Variants in CCDC85C observed in about 807,000 individuals in gnomAD.
The protein encoded by CCDC85C is coiled-coil domain-containing protein 85C.
Under a neutral mutation model 38.3 loss-of-function variants are expected in CCDC85C, and 18 were observed. The observed-to-expected ratio is 0.47, with a 90% CI of 0.33 to 0.70. The LOEUF is 0.70. Among genes scored for constraint, CCDC85C ranks in the 30% least tolerant of loss-of-function variants. The probability of loss-of-function intolerance (pLI) is 0.03; values close to 1 mark genes in which losing one functional copy is unlikely to be tolerated. For synonymous variants in CCDC85C, 264 were observed against 293.8 expected, an observed-to-expected ratio of 0.90 and a Z score of 1.04; for missense variants, 566 against 621.2, an observed-to-expected ratio of 0.91 and a Z score of 0.94.
Position 99,569,657 on chromosome 14 carries a change from C to G in CCDC85C, c.793+33510G>C, listed in dbSNP as rs1436123908. 6.6e-6 allele frequency among the ~76,000 whole-genome samples: 1 copy of G among 152,168 alleles called. No homozygotes were observed. Among genetic ancestry groups the G allele is most frequent in the Non-Finnish European group, 1.5e-5 (1 of 68,022 alleles). On this transcript the variant is annotated intron_variant, in intron 1 of 5. Coordinates refer to ENST00000380243, the MANE Select transcript of CCDC85C (RefSeq NM_001144995.2). The surrounding 1 kb of genome is among the most constrained non-coding windows in gnomAD (Gnocchi z 4.3). Reference sequence around the variant, plus strand: ...CCAGCCTCAAACCTGGATCCTACACCACCCCAGGCAACCTCATCAGCACTT... The same window carrying G: ...CCAGCCTCAAACCTGGATCCTACACGACCCCAGGCAACCTCATCAGCACTT...
chr14:99,538,201 T>C (rs1897642990), intron 1 of CCDC85C, among the ~76,000 whole-genome samples: 1 of 152,156 alleles, frequency 6.6e-6, no homozygotes, highest in Admixed American at 6.5e-5. Flanking sequence ...AGGAACAAAG[T>C]GTCCCCACCA....
rs1281949461 is a variant in CCDC85C, at chr14:99,603,929, C to A, written c.31G>T (p.Ala11Ser). The A allele has an allele frequency of 2.3e-5, 33 of 1,413,072 alleles. No homozygotes were observed. The highest frequency in any genetic ancestry group is 7.5e-5 in the African/African-American group (5 of 66,548). 87.5% of individuals were successfully genotyped at this position (1,413,072 alleles called of 1,614,324 possible). ...GGCACCTGGCTCAGCTCCTCCGACG[C>A]CGCCGCCGCCGTCGCCGCGGGCTTA... MAKPAATAAA[A>S]SEELSQVPDE... The change falls in exon 1 of 6, where the codon GCG becomes TCG. Residue 11 changes from alanine (A) to serine (S), a missense_variant. This residue lies in a region of CCDC85C where 269 missense variants were observed against 308.2 expected (regional missense o/e 0.87). Transcript: ENST00000380243. The surrounding 1 kb of genome is among the most constrained non-coding windows in gnomAD (Gnocchi z 7.5).
At chr14:99,551,044 C>T (rs12897152) in intron 1 of CCDC85C, among the ~76,000 whole-genome samples, 55,503 of 152,222 alleles carry the variant, frequency 0.36, 10,739 homozygotes, top group East Asian at 0.54. Context: ...ACCCATACAG[C>T]GCATAGCCTC....
In CCDC85C at chr14:99,545,816, C is replaced by G. The variant is rs190970339; in HGVS notation, c.794-9728G>C. Among the ~76,000 whole-genome samples, 6 of 152,256 alleles carry G rather than the reference C, an allele frequency of 3.9e-5. No individual in the cohort carries two copies. Among genetic ancestry groups the G allele is most frequent in the African/African-American group, 1.4e-4 (6 of 41,554 alleles). ...TAAAATCTGATCTCTTCCCCTGAGA[C>G]TAACTGGACACTCTAGGGGAGGGAC... On this transcript the variant is annotated intron_variant, in intron 1 of 5. Transcript: ENST00000380243. This position sits in a 1 kb window ranked among gnomAD's most constrained non-coding sequence, Gnocchi z 4.7.
intron 1 of CCDC85C, among the ~76,000 whole-genome samples, chr14:99,592,989 G>A (rs900031253): frequency 2.6e-5 from 4 of 152,244 alleles, no homozygotes; most frequent in East Asian, 1.9e-4. Flanking sequence ...CTGGGTGGGG[G>A]GAGCGTCCCA....
chr14:99,577,273 G>A (rs978604898), intron 1 of CCDC85C, among the ~76,000 whole-genome samples: 3 of 151,490 alleles, frequency 2.0e-5, no homozygotes, highest in African/African-American at 4.8e-5. Flanking sequence ...ATGCGCCTCC[G>A]GTTTCACAGC....
At chr14:99,529,054 G>GC (rs1306983394) in intron 2 of CCDC85C, among the ~76,000 whole-genome samples, 2 of 152,226 alleles carry the variant, frequency 1.3e-5, no homozygotes, top group African/African-American at 2.4e-5. Context: ...TGCCGCTTCA[G>GC]CTGGGGGTCC....
rs1326548454 is a variant in CCDC85C, at chr14:99,502,363, C to T, written c.*12883G>A. ...AGCAGTTTGTTCAAGATGTCCCGGT[C>T]GACGTTTTGGAAGGTACCAGGCATG... On this transcript the variant is annotated 3_prime_UTR_variant, in exon 6 of 6. Transcript: ENST00000380243. 25 of 1,613,116 alleles carry T rather than the reference C, an allele frequency of 1.5e-5. No individual in the cohort carries two copies. The highest frequency in any genetic ancestry group is 3.3e-5 in the South Asian group (3 of 90,908).
intron 1 of CCDC85C, among the ~76,000 whole-genome samples, chr14:99,546,998 A>G (rs1183418470): frequency 1.3e-5 from 2 of 151,862 alleles, no homozygotes; most frequent in Admixed American, 1.3e-4. Flanking sequence ...GCGAGACCCC[A>G]TTGTGATTTC....
At position 99,507,366 on chromosome 14, in the gene CCDC85C, CAGG is replaced by C. The variant is rs1897001557; in HGVS notation, c.*7877_*7879del. On this transcript the variant is annotated 3_prime_UTR_variant, in exon 6 of 6. Coordinates refer to ENST00000380243, the MANE Select transcript of CCDC85C (RefSeq NM_001144995.2). ...CGGAGGCAGGAGAATCACCTGACCC[CAGG>C]AGTTCGAGGTCAGCCTGGGCAACAA... 2 of 543,824 alleles carry C rather than the reference CAGG, an allele frequency of 3.7e-6. No individual in the cohort carries two copies. Among genetic ancestry groups the C allele is most frequent in the South Asian group, 4.1e-5 (2 of 49,216 alleles). The allele number at this position is 543,824 out of a possible 1,614,324, so 33.7% of individuals were successfully genotyped here.
intron 1 of CCDC85C, among the ~76,000 whole-genome samples, chr14:99,543,453 T>C (rs373555488): frequency 1.3e-5 from 2 of 151,922 alleles, no homozygotes; most frequent in Non-Finnish European, 2.9e-5. Flanking sequence ...AATAACCACA[T>C]CTACTGCAAC....
At chr14:99,525,470 G>T (rs1035122911) in intron 2 of CCDC85C, among the ~76,000 whole-genome samples, 7 of 152,216 alleles carry the variant, frequency 4.6e-5, no homozygotes, top group African/African-American at 1.4e-4. Flanking sequence ...GATGGGTGGG[G>T]TGGCTGCAGG....
rs949595011 is a variant in CCDC85C, at chr14:99,513,513, AC to A, written c.*1732del. 1.3e-5 allele frequency: 2 copies of A among 151,804 alleles called. No individual in the cohort carries two copies. The allele number at this position is 151,804 out of a possible 1,614,324, so 9.4% of individuals were successfully genotyped here. On this transcript the variant is annotated 3_prime_UTR_variant, in exon 6 of 6. Coordinates refer to ENST00000380243, the MANE Select transcript of CCDC85C (RefSeq NM_001144995.2). Reference sequence around the variant, plus strand: ...ACCATCCCATCACCAGCACCCACTTACCCCCCTGGGGCTAAGATGGGGGGCG... The same window carrying A: ...ACCATCCCATCACCAGCACCCACTTACCCCCTGGGGCTAAGATGGGGGGCG...
At chr14:99,536,170 C>A in intron 1 of CCDC85C, 82 bp from the exon 2 acceptor site, 1 of 1,005,424 alleles carries the variant, frequency 9.9e-7, no homozygotes, top group South Asian at 1.4e-5. Flanking sequence ...GCCCCAGACC[C>A]GGCATGGAAG....
chr14:99,562,877 G>GCA (rs149834853), intron 1 of CCDC85C, among the ~76,000 whole-genome samples: 9 of 151,106 alleles, frequency 6.0e-5, no homozygotes, highest in African/African-American at 1.2e-4. Context: ...ACACCCATAT[G>GCA]CACACACACA....
intron 1 of CCDC85C, among the ~76,000 whole-genome samples, chr14:99,547,571 C>T (rs1595356474): frequency 6.6e-6 from 1 of 151,988 alleles, no homozygotes; most frequent in South Asian, 2.1e-4. Context: ...GCCAGGAGTT[C>T]GAGACTAGCC....
Position 99,576,943 on chromosome 14 carries a change from C to T in CCDC85C, c.793+26224G>A, listed in dbSNP as rs1175575304. On this transcript the variant is annotated intron_variant, in intron 1 of 5. Transcript: ENST00000380243. The surrounding 1 kb of genome is among the most constrained non-coding windows in gnomAD (Gnocchi z 4.8). ...CACCCACTGCTGAGCTCTCCCTCGCCCCCAGGCTGCCTGGGGGCACGGTGG... is the reference window on the plus strand; with the variant it reads ...CACCCACTGCTGAGCTCTCCCTCGCTCCCAGGCTGCCTGGGGGCACGGTGG... 6.6e-6 allele frequency among the ~76,000 whole-genome samples: 1 copy of T among 151,962 alleles called. No individual in the cohort carries two copies. Among genetic ancestry groups the T allele is most frequent in the Non-Finnish European group, 1.5e-5 (1 of 67,956 alleles).
chr14:99,518,150 G>A (rs565120552), intron 3 of CCDC85C, among the ~76,000 whole-genome samples: 2 of 152,236 alleles, frequency 1.3e-5, no homozygotes, highest in African/African-American at 2.4e-5. Flanking sequence ...ACCCACCCAG[G>A]CCTGCATCAT....
At chr14:99,534,917 TGG>T (rs146978895) in intron 2 of CCDC85C, 10,037 of 579,420 alleles carry the variant, frequency 0.017, 743 homozygotes, top group African/African-American at 0.17. Flanking sequence ...TGGTGGGGAG[TGG>T]GGGGCGGGGT....
Sources: allele counts gnomAD v4.1 joint callset (sites outside exome capture counted in the v4.1 genomes callset), GRCh38; gene constraint gnomAD v4.1.1; regional missense constraint gnomAD v4.1.1; non-coding constraint Gnocchi (gnomAD v3.1); transcripts MANE v1.5; gene names NCBI Gene and HGNC (gene_info 2026-07-23, HGNC 2026-07-21).